The following TACR1 variants were observed in gnomAD, a reference collection of about 807,000 sequenced individuals.
The protein encoded by TACR1 is tachykinin receptor 1.
In TACR1, 25 loss-of-function variants were observed where a neutral mutation model predicts 35.8. The observed-to-expected ratio is 0.70, with a 90% CI of 0.51 to 0.98. The LOEUF (loss-of-function observed/expected upper bound fraction) is 0.98. Among genes scored for constraint, TACR1 ranks in the 50% least tolerant of loss-of-function variants. TACR1 has a pLI of 0.00. For missense variants in TACR1, 478 were observed against 522.9 expected (o/e 0.91, Z 0.84); for synonymous variants, 195 against 206.7 (o/e 0.94, Z 0.48).
intron 2 of TACR1, among the ~76,000 whole-genome samples, chr2:75,105,369 A>G (rs1673618369): frequency 6.6e-6 from 1 of 152,038 alleles, no homozygotes; most frequent in Admixed American, 6.6e-5. Context: ...GGTAGTTTCT[A>G]GGGGCTGGAG....
chr2:75,175,634 G>A (rs910020968), intron 1 of TACR1, among the ~76,000 whole-genome samples: 1 of 151,968 alleles, frequency 6.6e-6, no homozygotes, highest in South Asian at 2.1e-4. Context: ...TGACCCTCCC[G>A]CTGACTTTGA....
chr2:75,075,797 A>G (rs1286063199), intron 2 of TACR1, among the ~76,000 whole-genome samples: 2 of 152,262 alleles, frequency 1.3e-5, no homozygotes, highest in Non-Finnish European at 2.9e-5. Context: ...AGGACAGAAG[A>G]AGATATTTTA....
chr2:75,094,572 G>T (rs779029469), intron 2 of TACR1, among the ~76,000 whole-genome samples: 2 of 152,034 alleles, frequency 1.3e-5, no homozygotes, highest in Non-Finnish European at 1.5e-5. Flanking sequence ...TGTGGTGCTT[G>T]TGGTGATAAT....
chr2:75,156,630 TCTACCCAAGAGTGTCTGGAGG>T (rs1674865890), intron 1 of TACR1, among the ~76,000 whole-genome samples: 1 of 150,974 alleles, frequency 6.6e-6, no homozygotes, highest in South Asian at 2.1e-4. Context: ...AAGAAAGAAT[TCTACCCAAGAGTGTCTGGAGG>T]CAGCACAGCC....
intron 1 of TACR1, among the ~76,000 whole-genome samples, chr2:75,163,389 G>A (rs1016761734): frequency 1.3e-5 from 2 of 152,192 alleles, no homozygotes; most frequent in African/African-American, 4.8e-5. Flanking sequence ...TCAGTTCACA[G>A]CAGTACAAAC....
intron 1 of TACR1, among the ~76,000 whole-genome samples, chr2:75,151,956 A>G (rs1449111011): frequency 6.6e-6 from 1 of 152,168 alleles, no homozygotes; most frequent in Admixed American, 6.5e-5. Context: ...TTGACTGCCC[A>G]TTGGATTTCA....
At chr2:75,164,478 C>T (rs567194139) in intron 1 of TACR1, among the ~76,000 whole-genome samples, 17 of 152,118 alleles carry the variant, frequency 1.1e-4, no homozygotes, top group Admixed American at 3.3e-4. Context: ...GAACGCAGTA[C>T]GTGAAATAGA....
intron 2 of TACR1, among the ~76,000 whole-genome samples, chr2:75,081,149 GCCT>G (rs1673078841): frequency 6.6e-6 from 1 of 152,194 alleles, no homozygotes; most frequent in African/African-American, 2.4e-5. Context: ...GAAGAGCCAG[GCCT>G]GCCCTGGGGG....
intron 1 of TACR1, among the ~76,000 whole-genome samples, chr2:75,178,193 T>C (rs2104037152): frequency 6.6e-6 from 1 of 152,186 alleles, no homozygotes; most frequent in Non-Finnish European, 1.5e-5. Flanking sequence ...CTCTCTTTTT[T>C]TTTTTTTGAG....
chr2:75,056,064 A>G, intron 2 of TACR1, among the ~76,000 whole-genome samples: 1 of 152,188 alleles, frequency 6.6e-6, no homozygotes, highest in East Asian at 1.9e-4. Flanking sequence ...AACTTCCCCC[A>G]AGTTACTGTA....
intron 2 of TACR1, among the ~76,000 whole-genome samples, chr2:75,081,847 G>C (rs2103834409): frequency 6.6e-6 from 1 of 151,162 alleles, no homozygotes; most frequent in South Asian, 2.1e-4. Flanking sequence ...GCAAATGTTA[G>C]TTATAGGTCT....
At chr2:75,124,864 C>G (rs1369273881) in intron 1 of TACR1, among the ~76,000 whole-genome samples, 2 of 152,200 alleles carry the variant, frequency 1.3e-5, no homozygotes, top group Non-Finnish European at 1.5e-5. Flanking sequence ...CAGAAACACT[C>G]TTTACCTTTG....
chr2:75,187,190 C>T (rs1212352181), intron 1 of TACR1: 1 of 152,226 alleles, frequency 6.6e-6, no homozygotes, highest in Non-Finnish European at 1.5e-5. Context: ...TAACATCCTT[C>T]CAGGTTGTAA....
At chr2:75,127,437 A>G (rs974264560) in intron 1 of TACR1, among the ~76,000 whole-genome samples, 2 of 152,196 alleles carry the variant, frequency 1.3e-5, no homozygotes, top group African/African-American at 4.8e-5. Flanking sequence ...TGTTGTGCAC[A>G]ATTCTAAAAA....
At chr2:75,176,012 CAAAAAAAAAAAAA>C (rs34884122) in intron 1 of TACR1, among the ~76,000 whole-genome samples, 1 of 109,598 alleles carries the variant, frequency 9.1e-6, no homozygotes, top group Admixed American at 1.0e-4. Context: ...TTGAGCTGTC[CAAAAAAAAAAAAA>C]AAAAAAAGGA....
intron 2 of TACR1, among the ~76,000 whole-genome samples, chr2:75,113,316 T>TG (rs2103892132): frequency 6.6e-6 from 1 of 152,268 alleles, no homozygotes; most frequent in South Asian, 2.1e-4. Context: ...AGTCCTAAAT[T>TG]GGGTGGACCC....
chr2:75,141,456 G>GGAAA (rs1674402661), intron 1 of TACR1, among the ~76,000 whole-genome samples: 1 of 152,032 alleles, frequency 6.6e-6, no homozygotes, highest in South Asian at 2.1e-4. Context: ...GACTCTGGAA[G>GGAAA]CCTTGAAGCT....
At chr2:75,068,119 T>C (rs1023152955) in intron 2 of TACR1, among the ~76,000 whole-genome samples, 2 of 152,218 alleles carry the variant, frequency 1.3e-5, no homozygotes, top group African/African-American at 4.8e-5. Context: ...GCTATTTATC[T>C]ATCTATTGAG....
chr2:75,079,668 C>T (rs1673044371), intron 2 of TACR1, among the ~76,000 whole-genome samples: 1 of 151,978 alleles, frequency 6.6e-6, no homozygotes, highest in African/African-American at 2.4e-5. Context: ...CCCACTTCAC[C>T]CTCTGTGTTC....
Sources: allele counts gnomAD v4.1 joint callset (sites outside exome capture counted in the v4.1 genomes callset), GRCh38; gene constraint gnomAD v4.1.1; transcripts MANE v1.5; gene names NCBI Gene and HGNC (gene_info 2026-07-23, HGNC 2026-07-21).